The following KIR3DL3 variants were observed in gnomAD, a reference collection of about 807,000 sequenced individuals.
KIR3DL3 encodes the protein killer cell immunoglobulin like receptor, three Ig domains and long cytoplasmic tail 3, also known as killer cell immunoglobulin-like receptor 3DL3.
Under a neutral mutation model 34.9 loss-of-function variants are expected in KIR3DL3, and 27 were observed. That is an observed-to-expected ratio of 0.77 (90% confidence interval 0.57 to 1.07). The LOEUF (loss-of-function observed/expected upper bound fraction) is 1.07, where lower values mean the gene tolerates loss of function less well. Ranked by LOEUF, KIR3DL3 falls within the 50% of genes least tolerant of loss-of-function variation. The pLI is 0.00. For synonymous variants in KIR3DL3, 217 were observed against 200.2 expected (o/e 1.08, Z -0.71); for missense variants, 681 against 528.5 (o/e 1.29, Z -2.83).
At chr19:54,729,035 G>GCATA (rs2068507627) in intron 4 of KIR3DL3, among the ~76,000 whole-genome samples, 4 of 148,314 alleles carry the variant, frequency 2.7e-5, no homozygotes, top group Non-Finnish European at 4.5e-5. Flanking sequence ...ATGGATAGAT[G>GCATA]CATACATACA....
chr19:54,726,603 C>T (rs1379718944), intron 3 of KIR3DL3, among the ~76,000 whole-genome samples: 2 of 145,228 alleles, frequency 1.4e-5, no homozygotes, highest in Non-Finnish European at 3.1e-5. Context: ...GATGAGTTGA[C>T]CTTGCGATGG....
intron 5 of KIR3DL3, among the ~76,000 whole-genome samples, chr19:54,732,867 T>C (rs112791358): frequency 0.14 from 21,604 of 151,526 alleles, 3,670 homozygotes; most frequent in African/African-American, 0.41. Context: ...ATGTTTTTGA[T>C]ACTCACAGCC....
chr19:54,726,109 C>A lies in KIR3DL3; in HGVS notation c.127C>A (p.Gln43Lys). Residue 43 changes from glutamine to lysine, a missense_variant, in exon 3 of 8, where the codon CAA (glutamine) becomes AAA (lysine). Transcript: ENST00000291860. ...GCCCGGCACTGTGGTGTCTGAAGGA[C>A]AACATGTGACTCTTCAGTGTCGCTC... ...AWPGTVVSEG[Q>K]HVTLQCRSRL... 5 of 1,613,324 alleles carry A rather than the reference C, an allele frequency of 3.1e-6. No homozygotes were observed. Among genetic ancestry groups the A allele is most frequent in the Non-Finnish European group, 3.4e-6 (4 of 1,179,752 alleles).
At chr19:54,728,229 G>T (rs1255399680) in intron 4 of KIR3DL3, among the ~76,000 whole-genome samples, 1 of 150,102 alleles carries the variant, frequency 6.7e-6, no homozygotes, top group Non-Finnish European at 1.5e-5. Context: ...CCAGGCACAG[G>T]TTAGAAGGTT....
chr19:54,731,651 T>C (rs1384634165), intron 5 of KIR3DL3, among the ~76,000 whole-genome samples: 1 of 151,986 alleles, frequency 6.6e-6, no homozygotes, highest in Non-Finnish European at 1.5e-5. Flanking sequence ...AAAGGGACAG[T>C]AAGGCTGGAT....
chr19:54,724,754 C>A (rs890710006), intron 1 of KIR3DL3, among the ~76,000 whole-genome samples: 44 of 126,734 alleles, frequency 3.5e-4, no homozygotes, highest in Middle Eastern at 0.011. Flanking sequence ...GAGATATGGG[C>A]CTGGAACTGT....
In KIR3DL3 at chr19:54,736,347, G is replaced by C. The variant is rs1456825616; in HGVS notation, c.*251G>C. ...TGTCTAAGGTCCCCACTGCCTGCTG[G>C]AGAGAAAACACACTTGCTTAGCCCA... On this transcript the variant is annotated 3_prime_UTR_variant, in exon 8 of 8. Coordinates refer to ENST00000291860, the MANE Select transcript of KIR3DL3 (RefSeq NM_153443.5). The C allele has an allele frequency of 3.7e-5, 20 of 547,642 alleles. No individual in the cohort carries two copies. The highest frequency in any genetic ancestry group is 9.0e-5 in the South Asian group (4 of 44,652). The allele number at this position is 547,642 out of a possible 1,614,324, so 33.9% of individuals were successfully genotyped here.
chr19:54,734,153 G>A (rs1378707700), intron 5 of KIR3DL3, among the ~76,000 whole-genome samples: 1 of 129,682 alleles, frequency 7.7e-6, no homozygotes, highest in African/African-American at 2.9e-5. Context: ...TCTTTTCTTG[G>A]AGAATGTAAT....
chr19:54,734,273 C>A (rs1288468074), intron 5 of KIR3DL3, among the ~76,000 whole-genome samples: 12 of 151,558 alleles, frequency 7.9e-5, no homozygotes, highest in Non-Finnish European at 1.0e-4. Context: ...CTGGAATGCA[C>A]CTGGGCCTAT....
At chr19:54,725,310 G>T (rs2146741735) in intron 2 of KIR3DL3, 28 bp downstream of exon 2, 1 of 1,538,874 alleles carries the variant, frequency 6.5e-7, no homozygotes, top group East Asian at 2.3e-5. Flanking sequence ...ACCTTAGGTT[G>T]TCATCTCCCC....
chr19:54,736,023 G>A lies in KIR3DL3; in HGVS notation c.1160G>A (p.Cys387Tyr). 1.2e-6 allele frequency: 2 copies of A among 1,613,674 alleles called. No individual in the cohort carries two copies. The highest frequency in any genetic ancestry group is 1.1e-5 in the South Asian group (1 of 91,058). Reference sequence around the variant, plus strand: ...GTGACATACGCACAGTTGAATCACTGCGTTTTCACACAGAGAAAAATCACT... The same window carrying A: ...GTGACATACGCACAGTTGAATCACTACGTTTTCACACAGAGAAAAATCACT... ...QEVTYAQLNHCVFTQRKITRP... is the reference protein window; with the variant it reads ...QEVTYAQLNHYVFTQRKITRP... The change falls in exon 8 of 8, where the codon TGC becomes TAC. Residue 387 changes from cysteine (C) to tyrosine (Y), a missense_variant. Cys to Tyr is a radical substitution (Grantham distance 194). Transcript: ENST00000291860.
chr19:54,725,913 G>A (rs924322431), intron 2 of KIR3DL3, 140 bp from the exon 3 acceptor site: 336 of 748,960 alleles, frequency 4.5e-4, no homozygotes, highest in Non-Finnish European at 3.8e-4. Context: ...GTCTATGCGG[G>A]ATGGGTCCTT....
intron 5 of KIR3DL3, among the ~76,000 whole-genome samples, chr19:54,730,175 G>C (rs2068650107): frequency 6.6e-6 from 1 of 151,920 alleles, no homozygotes; most frequent in South Asian, 2.1e-4. Context: ...TTTTCTTTTT[G>C]TTTGAAGAAA....
Position 54,727,783 on chromosome 19 carries a change from C to A in KIR3DL3, c.528C>A (p.Ser176=), listed in dbSNP as rs2068361294. Residue 176 remains serine (S), a synonymous_variant, in exon 4 of 8, where the codon TCC becomes TCA. Coordinates refer to ENST00000291860, the MANE Select transcript of KIR3DL3 (RefSeq NM_153443.5). ...TTGGACAGCTCCACGATGCGGGTTC[C>A]CAGGTCAACTATTCCATGGGTCCCA... ...RLVGQLHDAG[S]QVNYSMGPMT... is the part of the protein sequence containing the mutation. 1 of 1,613,590 alleles carries A rather than the reference C, an allele frequency of 6.2e-7. No individual in the cohort carries two copies. The highest frequency in any genetic ancestry group is 1.3e-5 in the African/African-American group (1 of 74,818).
Position 54,724,468 on chromosome 19 carries a change from C to T in KIR3DL3, c.-29C>T, listed in dbSNP as rs942502357. 2.4e-5 allele frequency: 38 copies of T among 1,612,464 alleles called. No individual in the cohort carries two copies. The East Asian group carries it at 4.0e-4, about 17-fold the overall frequency. On this transcript the variant is annotated 5_prime_UTR_variant, in exon 1 of 8. Coordinates refer to ENST00000291860, the MANE Select transcript of KIR3DL3 (RefSeq NM_153443.5). ...TGTGTGCTGCTGAACTGAGCTGGGGCGCAGCCGCCTGTCTGCACCGGCAGC... is the reference window on the plus strand; with the variant it reads ...TGTGTGCTGCTGAACTGAGCTGGGGTGCAGCCGCCTGTCTGCACCGGCAGC...
Position 54,736,040 on chromosome 19 carries a change from A to T in KIR3DL3, c.1177A>T (p.Lys393Ter). Residue 393 changes from lysine (K) to a stop codon, truncating the protein, a stop_gained, in exon 8 of 8, where the codon AAA becomes TAA. Coordinates refer to ENST00000291860, the MANE Select transcript of KIR3DL3 (RefSeq NM_153443.5). LOFTEE classifies it low-confidence loss of function (END_TRUNC). Reference sequence around the variant, plus strand: ...GAATCACTGCGTTTTCACACAGAGAAAAATCACTCGCCCTTCTCAGAGGCC... The same window carrying T: ...GAATCACTGCGTTTTCACACAGAGATAAATCACTCGCCCTTCTCAGAGGCC... ...QLNHCVFTQR[K>*]ITRPSQRPKT... 6.2e-7 allele frequency: 1 copy of T among 1,613,718 alleles called. No individual in the cohort carries two copies. The highest frequency in any genetic ancestry group is 8.5e-7 in the Non-Finnish European group (1 of 1,179,976).
chr19:54,733,165 T>G (rs1369710330), intron 5 of KIR3DL3, among the ~76,000 whole-genome samples: 1 of 152,160 alleles, frequency 6.6e-6, no homozygotes, highest in African/African-American at 2.4e-5. Flanking sequence ...GTTTTTTTTC[T>G]ACATCTAAAT....
At position 54,725,407 on chromosome 19, in the gene KIR3DL3, T is replaced by C. The variant is rs2068060800; in HGVS notation, c.70+125T>C. 3 of 791,348 alleles carry C rather than the reference T, an allele frequency of 3.8e-6. No individual in the cohort carries two copies. The East Asian group carries it at 7.8e-5, about 21-fold the overall frequency. The allele number at this position is 791,348 out of a possible 1,614,324, so 49.0% of individuals were successfully genotyped here. A position where few individuals can be genotyped will look rare whatever the true frequency, so the allele number is the denominator to read the frequency against. ...CCATGGGAAGCCATGTGGGAATCTC[T>C]CATGAACTAGGAAAAGGAAGCCAGG... On this transcript the variant is annotated intron_variant, in intron 2 of 7. Coordinates refer to ENST00000291860, the MANE Select transcript of KIR3DL3 (RefSeq NM_153443.5).
Position 54,736,033 on chromosome 19 carries a change from A to T in KIR3DL3, c.1170A>T (p.Thr390=). Residue 390 remains threonine (T), a synonymous_variant, in exon 8 of 8, where the codon ACA becomes ACT. Transcript: ENST00000291860. Reference sequence around the variant, plus strand: ...CACAGTTGAATCACTGCGTTTTCACACAGAGAAAAATCACTCGCCCTTCTC... The same window carrying T: ...CACAGTTGAATCACTGCGTTTTCACTCAGAGAAAAATCACTCGCCCTTCTC... ...TYAQLNHCVF[T]QRKITRPSQR... 6.2e-7 allele frequency: 1 copy of T among 1,613,752 alleles called. No individual in the cohort carries two copies. The highest frequency in any genetic ancestry group is 1.1e-5 in the South Asian group (1 of 91,054).
Sources: allele counts gnomAD v4.1 joint callset (sites outside exome capture counted in the v4.1 genomes callset), GRCh38; gene constraint gnomAD v4.1.1; transcripts MANE v1.5; gene names NCBI Gene and HGNC (gene_info 2026-07-23, HGNC 2026-07-21).